Variants in BBS9 observed in about 807,000 individuals in gnomAD.
BBS9 encodes the protein protein PTHB1.
A neutral mutation model predicts 117.7 loss-of-function variants in BBS9; 89 were observed. The observed-to-expected ratio is 0.76, with a 90% CI of 0.64 to 0.90. The LOEUF (loss-of-function observed/expected upper bound fraction) is 0.90. BBS9 is among the 40% of genes least tolerant of loss of function. The probability of loss-of-function intolerance (pLI) is 0.00; values close to 1 mark genes in which losing one functional copy is unlikely to be tolerated. For synonymous variants in BBS9, 379 were observed against 370.9 expected (o/e 1.02, Z -0.25); for missense variants, 982 against 1,042.2 (o/e 0.94, Z 0.80).
At chr7:33,193,421 C>G (rs1784450438) in intron 5 of BBS9, among the ~76,000 whole-genome samples, 2 of 67,790 alleles carry the variant, frequency 3.0e-5, no homozygotes, top group African/African-American at 5.4e-5. Context: ...CCTCTCTCTG[C>G]CTTTTTTTTT....
chr7:33,276,647 A>G (rs188732120), intron 9 of BBS9, among the ~76,000 whole-genome samples: 18 of 152,310 alleles, frequency 1.2e-4, no homozygotes, highest in Admixed American at 9.2e-4. Context: ...CCGGCAAAAA[A>G]AGAAAAAAGA....
chr7:33,374,060 T>G (rs995793871), intron 17 of BBS9, among the ~76,000 whole-genome samples: 1 of 152,194 alleles, frequency 6.6e-6, no homozygotes, highest in Non-Finnish European at 1.5e-5. Context: ...GCTCCTACAC[T>G]AATGGGAGAG....
At chr7:33,519,514 G>A (rs1279347080) in intron 20 of BBS9, among the ~76,000 whole-genome samples, 1 of 152,260 alleles carries the variant, frequency 6.6e-6, no homozygotes, top group East Asian at 1.9e-4. Context: ...AGTCTATGAA[G>A]GTGCTAAAAG....
At chr7:33,533,309 A>G (rs1315625571) in intron 20 of BBS9, among the ~76,000 whole-genome samples, 1 of 152,180 alleles carries the variant, frequency 6.6e-6, no homozygotes, top group African/African-American at 2.4e-5. Context: ...ACTGTTCCCA[A>G]CAAAAGTGGG....
At chr7:33,159,768 T>C (rs1794583114) in intron 4 of BBS9, among the ~76,000 whole-genome samples, 1 of 152,180 alleles carries the variant, frequency 6.6e-6, no homozygotes, top group African/African-American at 2.4e-5. Context: ...TGTGGCACTC[T>C]AGAGATGGCT....
At chr7:33,486,058 G>A (rs1485706678) in intron 19 of BBS9, among the ~76,000 whole-genome samples, 2 of 152,182 alleles carry the variant, frequency 1.3e-5, no homozygotes, top group Non-Finnish European at 2.9e-5. Flanking sequence ...TAGGGGGAAA[G>A]TAGAAAAACC....
At chr7:33,478,776 T>G (rs1234055676) in intron 19 of BBS9, among the ~76,000 whole-genome samples, 1 of 152,230 alleles carries the variant, frequency 6.6e-6, no homozygotes, top group East Asian at 1.9e-4. Context: ...TTTCTAACTG[T>G]TTGTGAACCT....
intron 9 of BBS9, among the ~76,000 whole-genome samples, chr7:33,326,317 C>T (rs1283885368): frequency 6.6e-6 from 1 of 151,562 alleles, no homozygotes; most frequent in Non-Finnish European, 1.5e-5. Flanking sequence ...CTGGCTACCG[C>T]TGATGTTCAC....
chr7:33,152,865 C>T lies in BBS9; in HGVS notation c.263+14C>T. The T allele has an allele frequency of 4.3e-6, 7 of 1,613,536 alleles. No individual in the cohort carries two copies. Among genetic ancestry groups the T allele is most frequent in the African/African-American group, 1.3e-5 (1 of 75,012 alleles). ...AAAGTTTGTTTCGTAAGTAAGCCCACTAATTCTGGTATTTTACTTGGAGTA... is the reference window on the plus strand; with the variant it reads ...AAAGTTTGTTTCGTAAGTAAGCCCATTAATTCTGGTATTTTACTTGGAGTA... On this transcript the variant is annotated intron_variant, in intron 3 of 22. Transcript: ENST00000242067.
downstream of BBS9, among the ~76,000 whole-genome samples, chr7:33,610,973 C>T (rs2129213971): frequency 6.6e-6 from 1 of 152,152 alleles, no homozygotes; most frequent in East Asian, 1.9e-4. Context: ...TGAATTGTCC[C>T]AAAAGGGACT....
At chr7:33,382,759 C>T (rs1825315013) in intron 17 of BBS9, among the ~76,000 whole-genome samples, 1 of 152,084 alleles carries the variant, frequency 6.6e-6, no homozygotes, top group Non-Finnish European at 1.5e-5. Context: ...GCAGATTGAG[C>T]TCCCATGGAT....
intron 9 of BBS9, among the ~76,000 whole-genome samples, chr7:33,278,915 C>T (rs551396812): frequency 9.9e-5 from 15 of 152,244 alleles, no homozygotes; most frequent in African/African-American, 1.9e-4. Context: ...ACATTGCAGT[C>T]GAGAGAGCAT....
At chr7:33,404,163 G>A (rs1829478911) in intron 19 of BBS9, among the ~76,000 whole-genome samples, 1 of 152,082 alleles carries the variant, frequency 6.6e-6, no homozygotes, top group South Asian at 2.1e-4. Context: ...TAGATATGCG[G>A]CGTTATTTCT....
chr7:33,511,494 G>C (rs368604179), intron 20 of BBS9, among the ~76,000 whole-genome samples: 8 of 152,158 alleles, frequency 5.3e-5, no homozygotes, highest in African/African-American at 4.8e-5. Flanking sequence ...CATTATGCCT[G>C]TTTCTTTTCT....
intron 16 of BBS9, among the ~76,000 whole-genome samples, chr7:33,360,274 CAG>C (rs1156283332): frequency 6.6e-6 from 1 of 151,966 alleles, no homozygotes; most frequent in Non-Finnish European, 1.5e-5. Flanking sequence ...CTGGGTGAGA[CAG>C]AGAATCAGAA....
chr7:33,432,858 A>G (rs879536310), intron 19 of BBS9, among the ~76,000 whole-genome samples: 9 of 151,890 alleles, frequency 5.9e-5, no homozygotes, highest in Admixed American at 3.3e-4. Context: ...GTTCCCCTAC[A>G]TGATTTTAGA....
intron 5 of BBS9, among the ~76,000 whole-genome samples, chr7:33,196,030 G>A (rs1583574734): frequency 6.6e-6 from 1 of 152,192 alleles, no homozygotes; most frequent in Non-Finnish European, 1.5e-5. Context: ...TATGAGCATA[G>A]TGGAATATTT....
chr7:33,496,827 A>AC (rs1563258415), intron 19 of BBS9, among the ~76,000 whole-genome samples: 1 of 152,212 alleles, frequency 6.6e-6, no homozygotes, highest in African/African-American at 2.4e-5. Context: ...TGGCATTTAA[A>AC]CCATCTCCAT....
intron 4 of BBS9, among the ~76,000 whole-genome samples, chr7:33,157,464 C>T (rs1794262348): frequency 6.6e-6 from 1 of 152,144 alleles, no homozygotes; most frequent in Admixed American, 6.6e-5. Context: ...CCTCACTTCC[C>T]TTCTGTCTTT....
Sources: allele counts gnomAD v4.1 joint callset (sites outside exome capture counted in the v4.1 genomes callset), GRCh38; gene constraint gnomAD v4.1.1; transcripts MANE v1.5; gene names NCBI Gene and HGNC (gene_info 2026-07-23, HGNC 2026-07-21).